The following DNAJC2 variants were observed in gnomAD, a reference collection of about 807,000 sequenced individuals.
The protein encoded by DNAJC2 is dnaJ homolog subfamily C member 2.
DNAJC2 carries 32 observed loss-of-function variants against 94.0 expected under a neutral mutation model. That is an observed-to-expected ratio of 0.34 (90% CI 0.26 to 0.46). The LOEUF is 0.46. Ranked by LOEUF, DNAJC2 falls within the 20% of genes least tolerant of loss-of-function variation. The probability of loss-of-function intolerance (pLI) is 1.00; values close to 1 mark genes in which losing one functional copy is unlikely to be tolerated. For missense variants in DNAJC2, 550 were observed against 719.5 expected (o/e 0.76, Z 2.69); for synonymous variants, 210 against 229.7 (o/e 0.91, Z 0.77).
intron 3 of DNAJC2, 25 bp from the exon 4 acceptor site, chr7:103,327,779 A>G: frequency 1.3e-6 from 2 of 1,530,564 alleles, no homozygotes; most frequent in African/African-American, 1.4e-5. Context: ...AGATTGAGAT[A>G]ATTTGTCACT....
chr7:103,330,114 T>C (rs2115974807), intron 3 of DNAJC2, among the ~76,000 whole-genome samples: 1 of 152,346 alleles, frequency 6.6e-6, no homozygotes, highest in East Asian at 1.9e-4. Context: ...GAATGGGTGT[T>C]AAACTGTATT....
chr7:103,313,048 G>A lies in DNAJC2; in HGVS notation c.1690C>T (p.Gln564Ter). Residue 564 changes from glutamine to a stop codon, truncating the protein, a stop_gained, in exon 16 of 17, where the codon CAA (glutamine) becomes TAA (stop). Transcript: ENST00000379263. LOFTEE classifies it high-confidence loss of function. ...WTTEEQKLLE[Q>*]ALKTYPVNTP... ...TTTACTGGGTATGTTTTCAAAGCTT[G>A]TTCCAAAAGCTTCTGTTCTTCTGTT... 1 of 1,613,890 alleles carries A rather than the reference G, an allele frequency of 6.2e-7. No individual in the cohort carries two copies. Among genetic ancestry groups the A allele is most frequent in the Non-Finnish European group, 8.5e-7 (1 of 1,179,918 alleles).
intron 13 of DNAJC2, 56 bp downstream of exon 13, chr7:103,316,774 T>C: frequency 1.4e-6 from 2 of 1,412,712 alleles, no homozygotes; most frequent in South Asian, 1.2e-5. Flanking sequence ...GGAGTCTGTC[T>C]ACATTATCTC....
In DNAJC2 at chr7:103,324,618, C is replaced by G. The variant is rs986584716; in HGVS notation, c.573-56G>C. 2.0e-5 allele frequency: 26 copies of G among 1,290,378 alleles called. No homozygotes were observed. In the African/African-American group the frequency reaches 3.7e-4, roughly 18 times the overall value. 79.9% of individuals were successfully genotyped at this position (1,290,378 alleles called of 1,614,324 possible). ...TCTTCAAAAATTATGTACAACAGTTCAACAAACAATTTAATTTATTAAAAA... is the reference window on the plus strand; with the variant it reads ...TCTTCAAAAATTATGTACAACAGTTGAACAAACAATTTAATTTATTAAAAA... On this transcript the variant is annotated intron_variant, in intron 5 of 16. Coordinates refer to ENST00000379263, the MANE Select transcript of DNAJC2 (RefSeq NM_014377.3).
At position 103,312,506 on chromosome 7, in the gene DNAJC2, A is replaced by G; in HGVS notation, c.*63T>C. Reference sequence around the variant, plus strand: ...AAATTATTACCATGAGTATAATTTTAAGAATGAAAATGTTTACAGTATTTT... The same window carrying G: ...AAATTATTACCATGAGTATAATTTTGAGAATGAAAATGTTTACAGTATTTT... On this transcript the variant is annotated 3_prime_UTR_variant, in exon 17 of 17. Transcript: ENST00000379263. The G allele has an allele frequency of 6.3e-7, 1 of 1,580,568 alleles. No individual in the cohort carries two copies. Among genetic ancestry groups the G allele is most frequent in the Non-Finnish European group, 8.6e-7 (1 of 1,167,806 alleles).
intron 10 of DNAJC2, among the ~76,000 whole-genome samples, chr7:103,321,583 C>T (rs544697117): frequency 7.9e-5 from 12 of 151,788 alleles, no homozygotes; most frequent in African/African-American, 2.9e-4. Context: ...TGCAGTGGCT[C>T]ATGCCTGTAG....
intron 5 of DNAJC2, 152 bp downstream of exon 5, chr7:103,326,391 G>A (rs1818707813): frequency 2.7e-6 from 2 of 746,702 alleles, no homozygotes; most frequent in African/African-American, 3.6e-5. Flanking sequence ...CACCAGAAGG[G>A]CTGAATATTG....
chr7:103,328,293 T>C (rs1818814688), intron 3 of DNAJC2, among the ~76,000 whole-genome samples: 1 of 152,148 alleles, frequency 6.6e-6, no homozygotes, highest in Non-Finnish European at 1.5e-5. Context: ...TTTTGGTGTA[T>C]TTCTGCATAG....
intron 3 of DNAJC2, among the ~76,000 whole-genome samples, chr7:103,330,285 T>C (rs1818911589): frequency 6.6e-6 from 1 of 151,036 alleles, no homozygotes; most frequent in South Asian, 2.1e-4. Context: ...ATTGCATTTG[T>C]TATTTTATTT....
chr7:103,323,863 C>T (rs774415508), intron 6 of DNAJC2, among the ~76,000 whole-genome samples, 200 bp from the exon 7 acceptor site: 8 of 152,164 alleles, frequency 5.3e-5, no homozygotes, highest in Non-Finnish European at 1.0e-4. Flanking sequence ...ATAATCAAAA[C>T]CACACCGCCC....
At chr7:103,317,308 TTATTCA>T in intron 12 of DNAJC2, 1 of 311,680 alleles carries the variant, frequency 3.2e-6, no homozygotes, top group East Asian at 5.5e-5. Context: ...GGTCACTGAG[TTATTCA>T]TCCACAAGGC....
Position 103,344,722 on chromosome 7 carries a change from C to T in DNAJC2, c.-100G>A. 1 of 1,296,988 alleles carries T rather than the reference C, an allele frequency of 7.7e-7. No individual in the cohort carries two copies. Among genetic ancestry groups the T allele is most frequent in the Non-Finnish European group, 1.1e-6 (1 of 915,820 alleles). The allele number at this position is 1,296,988 out of a possible 1,614,324, so 80.3% of individuals were successfully genotyped here. A position where few individuals can be genotyped will look rare whatever the true frequency, so the allele number is the denominator to read the frequency against. ...TCTACCTCTCACTCCGAGCCTCGCGCCTTGGCTCTAAGACGCCCAGGAACC... is the reference window on the plus strand; with the variant it reads ...TCTACCTCTCACTCCGAGCCTCGCGTCTTGGCTCTAAGACGCCCAGGAACC... On this transcript the variant is annotated 5_prime_UTR_variant, in exon 1 of 17. Transcript: ENST00000379263.
chr7:103,332,198 G>C (rs1276605411), intron 3 of DNAJC2, among the ~76,000 whole-genome samples: 1 of 151,960 alleles, frequency 6.6e-6, no homozygotes, highest in African/African-American at 2.4e-5. Context: ...GTAGAGACGG[G>C]GTTTCACCGT....
At position 103,322,722 on chromosome 7, in the gene DNAJC2, G is replaced by A. The variant is rs1461508682; in HGVS notation, c.792C>T (p.Asn264=). 5 of 1,611,932 alleles carry A rather than the reference G, an allele frequency of 3.1e-6. No homozygotes were observed. In the Admixed American group the frequency reaches 8.3e-5, roughly 27 times the overall value. ...TRAQRKKEEM[N]RIRTLVDNAY... ...ACTTACCAACTAATGTTCTTATTCT[G>A]TTCATTTCTTCTTTTTTTCTTTGTG... The change falls in exon 8 of 17, where the codon AAC becomes AAT. Residue 264 remains asparagine, a synonymous_variant. Coordinates refer to ENST00000379263, the MANE Select transcript of DNAJC2 (RefSeq NM_014377.3).
intron 2 of DNAJC2, among the ~76,000 whole-genome samples, chr7:103,340,367 A>T (rs1410240057): frequency 6.6e-6 from 1 of 152,146 alleles, no homozygotes; most frequent in African/African-American, 2.4e-5. Flanking sequence ...GAATCAGCTA[A>T]CACTTTCTGA....
At chr7:103,338,455 CCT>C (rs1819258580) in intron 2 of DNAJC2, among the ~76,000 whole-genome samples, 1 of 151,494 alleles carries the variant, frequency 6.6e-6, no homozygotes, top group African/African-American at 2.4e-5. Flanking sequence ...CACCACCACG[CCT>C]GGCTAATTTG....
At chr7:103,344,442 A>G in intron 1 of DNAJC2, 117 bp downstream of exon 1, 1 of 1,172,028 alleles carries the variant, frequency 8.5e-7, no homozygotes, top group Non-Finnish European at 1.3e-6. Context: ...ACGGCCCCAT[A>G]CGGCCCCGGG....
In DNAJC2 at chr7:103,313,025, T is replaced by G; in HGVS notation, c.1713A>C (p.Val571=). Residue 571 remains valine (V), a synonymous_variant, in exon 16 of 17, where the codon GTA becomes GTC. Coordinates refer to ENST00000379263, the MANE Select transcript of DNAJC2 (RefSeq NM_014377.3). ...LLEQALKTYP[V]NTPERWEKIA... is the part of the protein sequence containing the mutation. Reference sequence around the variant, plus strand: ...TTTTTTCCCATCTTTCAGGTGTATTTACTGGGTATGTTTTCAAAGCTTGTT... The same window carrying G: ...TTTTTTCCCATCTTTCAGGTGTATTGACTGGGTATGTTTTCAAAGCTTGTT... The G allele has an allele frequency of 6.2e-7, 1 of 1,614,130 alleles. No homozygotes were observed. The highest frequency in any genetic ancestry group is 8.5e-7 in the Non-Finnish European group (1 of 1,179,976).
intron 15 of DNAJC2, chr7:103,313,336 A>C (rs1817864879): frequency 7.9e-7 from 1 of 1,272,234 alleles, no homozygotes; most frequent in South Asian, 2.4e-5. Flanking sequence ...ACAATAGTAA[A>C]GATCTACCTT....
Sources: gnomAD v4.1 joint callset for allele counts (sites outside exome capture counted in the v4.1 genomes callset) on GRCh38, gnomAD v4.1.1 for gene constraint, MANE v1.5 for transcripts, NCBI Gene and HGNC (gene_info 2026-07-23, HGNC 2026-07-21) for gene names.